Variants in EFCAB6 observed in about 807,000 individuals in gnomAD.
EFCAB6 encodes the protein EF-hand calcium binding domain 6, also known as EF-hand calcium-binding domain-containing protein 6.
EFCAB6 carries 156 observed loss-of-function variants against 169.8 expected under a neutral mutation model. The ratio of observed to expected loss-of-function variants is 0.92; its 90% CI spans 0.81 to 1.05. The LOEUF is 1.05. Ranked by LOEUF, EFCAB6 falls within the 50% of genes least tolerant of loss-of-function variation. The pLI is 0.00. For synonymous variants in EFCAB6, 698 were observed against 676.4 expected, an observed-to-expected ratio of 1.03 and a Z score of -0.50; for missense variants, 1,800 against 1,829.1, an observed-to-expected ratio of 0.98 and a Z score of 0.29.
At chr22:43,752,118 T>TTTC (rs1328063164) in intron 6 of EFCAB6, among the ~76,000 whole-genome samples, 1 of 145,884 alleles carries the variant, frequency 6.9e-6, no homozygotes, top group African/African-American at 2.5e-5. Context: ...TCCTTTCCAT[T>TTTC]TTTTTTTTTT....
At chr22:43,784,607 ATATG>A (rs2057116067) in intron 2 of EFCAB6, among the ~76,000 whole-genome samples, 2 of 94,012 alleles carry the variant, frequency 2.1e-5, no homozygotes, top group Non-Finnish European at 4.5e-5. Flanking sequence ...ATACACATAT[ATATG>A]TGTATATATA....
In EFCAB6 at chr22:43,765,357, C is replaced by T; in HGVS notation, c.388G>A (p.Ala130Thr). Reference sequence around the variant, plus strand: ...ATTCCACCAAACCTGGACAGAAAGGCAAGGTACGGTACAGTACCAGAGGTG... The same window carrying T: ...ATTCCACCAAACCTGGACAGAAAGGTAAGGTACGGTACAGTACCAGAGGTG... ...LSTSGTVPYL[A>T]FLSRFGGIDL... is the part of the protein sequence containing the mutation. The change falls in exon 5 of 32, where the codon GCC (alanine) becomes ACC (threonine). Residue 130 changes from alanine (A) to threonine (T), a missense_variant. Transcript: ENST00000262726. The T allele has an allele frequency of 6.2e-7, 1 of 1,612,650 alleles. No individual in the cohort carries two copies. The highest frequency in any genetic ancestry group is 8.5e-7 in the Non-Finnish European group (1 of 1,179,096).
At chr22:43,671,667 G>A (rs2057498943) in intron 15 of EFCAB6, among the ~76,000 whole-genome samples, 2 of 152,270 alleles carry the variant, frequency 1.3e-5, no homozygotes, top group African/African-American at 4.8e-5. Context: ...ACCCAGGAGG[G>A]AACTCAGGCC....
intron 17 of EFCAB6, among the ~76,000 whole-genome samples, chr22:43,664,236 A>G (rs1292483903): frequency 6.6e-6 from 1 of 152,202 alleles, no homozygotes; most frequent in Non-Finnish European, 1.5e-5. Context: ...AAATGTGCGA[A>G]TGCCCATGTC....
intron 10 of EFCAB6, among the ~76,000 whole-genome samples, chr22:43,699,721 A>G (rs1287036103): frequency 6.6e-6 from 1 of 152,218 alleles, no homozygotes; most frequent in Non-Finnish European, 1.5e-5. Flanking sequence ...AAAATGTCAT[A>G]TAAGTAGAAG....
intron 17 of EFCAB6, among the ~76,000 whole-genome samples, chr22:43,644,160 T>C (rs1197057810): frequency 2.0e-5 from 3 of 152,144 alleles, no homozygotes; most frequent in Non-Finnish European, 4.4e-5. Context: ...GATTTGGACC[T>C]GCTTTATGTA....
chr22:43,648,559 G>A (rs2056302623), intron 17 of EFCAB6, among the ~76,000 whole-genome samples: 1 of 152,150 alleles, frequency 6.6e-6, no homozygotes, highest in South Asian at 2.1e-4. Context: ...CTACTAGAGT[G>A]GGGAGGGAGA....
chr22:43,561,759 G>A (rs773068246), intron 26 of EFCAB6, among the ~76,000 whole-genome samples: 110 of 152,148 alleles, frequency 7.2e-4, no homozygotes, highest in Non-Finnish European at 1.4e-3. Flanking sequence ...CACTTCTCAC[G>A]TGATCATTAT....
At position 43,590,213 on chromosome 22, in the gene EFCAB6, G is replaced by C. The variant is rs746756725; in HGVS notation, c.2893C>G (p.Arg965Gly). The change falls in exon 24 of 32, where the codon CGC becomes GGC. Residue 965 changes from arginine (R) to glycine (G), a missense_variant. Coordinates refer to ENST00000262726, the MANE Select transcript of EFCAB6 (RefSeq NM_022785.4). ...AVAARDKLMD[R>G]HQDISKAFTK... ...AATGCTTTGCTGATATCTTGATGGC[G>C]GTCCATAAGCTTATCCCTGAAAGAG... is the stretch of plus-strand genomic sequence containing the variant. The C allele has an allele frequency of 6.2e-7, 1 of 1,613,380 alleles. No homozygotes were observed. The highest frequency in any genetic ancestry group is 8.5e-7 in the Non-Finnish European group (1 of 1,179,740).
chr22:43,589,661 A>ATG (rs879571694), intron 24 of EFCAB6, among the ~76,000 whole-genome samples: 46 of 152,160 alleles, frequency 3.0e-4, no homozygotes, highest in Non-Finnish European at 5.7e-4. Flanking sequence ...GGTGGTGTAC[A>ATG]CCTGTAATCC....
At chr22:43,650,649 T>A (rs1334492706) in intron 17 of EFCAB6, among the ~76,000 whole-genome samples, 3 of 152,158 alleles carry the variant, frequency 2.0e-5, no homozygotes, top group African/African-American at 7.2e-5. Context: ...TTTGGAGGGC[T>A]CATAAGAAGA....
Position 43,572,900 on chromosome 22 carries a change from T to C in EFCAB6, c.3420+3397A>G, listed in dbSNP as rs1229861651. On this transcript the variant is annotated intron_variant, in intron 26 of 31. Transcript: ENST00000262726. This position sits in a 1 kb window ranked among gnomAD's most constrained non-coding sequence, Gnocchi z 4.0. ...CATGGGCCATAGGAAACACGTGTCA[T>C]GAGAGAGTGAATGAACCCACACGAT... Among the ~76,000 whole-genome samples the C allele has an allele frequency of 6.6e-6, 1 of 152,120 alleles. No individual in the cohort carries two copies. The highest frequency in any genetic ancestry group is 1.5e-5 in the Non-Finnish European group (1 of 68,024).
intron 10 of EFCAB6, 81 bp downstream of exon 10, chr22:43,711,393 AT>A (rs1306852823): frequency 7.3e-7 from 1 of 1,367,876 alleles, no homozygotes; most frequent in Non-Finnish European, 9.6e-7. Flanking sequence ...TAAAACATTA[AT>A]AAAAAATAAA....
chr22:43,657,643 A>T (rs1014478471), intron 17 of EFCAB6, among the ~76,000 whole-genome samples: 1 of 152,196 alleles, frequency 6.6e-6, no homozygotes, highest in African/African-American at 2.4e-5. Flanking sequence ...ACACCAGAGA[A>T]ATAAAGGCTG....
intron 20 of EFCAB6, among the ~76,000 whole-genome samples, chr22:43,624,121 T>C (rs1602688170): frequency 6.6e-6 from 1 of 152,156 alleles, no homozygotes; most frequent in East Asian, 1.9e-4. Context: ...CTCCTTCATC[T>C]GTGAAACCAG....
chr22:43,666,686 A>G (rs2057263600), intron 17 of EFCAB6, among the ~76,000 whole-genome samples: 1 of 127,598 alleles, frequency 7.8e-6, no homozygotes, highest in Non-Finnish European at 1.6e-5. Context: ...TTTCACTGCC[A>G]GATTGTTTTT....
chr22:43,728,300 C>T (rs1470433463), intron 8 of EFCAB6, among the ~76,000 whole-genome samples: 1 of 152,156 alleles, frequency 6.6e-6, no homozygotes, highest in Non-Finnish European at 1.5e-5. Context: ...TTTTCTTTAT[C>T]CAGTCTATCA....
intron 28 of EFCAB6, among the ~76,000 whole-genome samples, chr22:43,538,063 T>C (rs2047484757): frequency 6.6e-6 from 1 of 152,130 alleles, no homozygotes; most frequent in Non-Finnish European, 1.5e-5. Context: ...TTTTTTTTCC[T>C]GAAGTCCCCG....
At chr22:43,562,467 A>C (rs950631857) in intron 26 of EFCAB6, among the ~76,000 whole-genome samples, 2 of 151,906 alleles carry the variant, frequency 1.3e-5, no homozygotes, top group Non-Finnish European at 2.9e-5. Flanking sequence ...TGACATAGGA[A>C]TCACCCAACA....
Sources: allele counts gnomAD v4.1 joint callset (sites outside exome capture counted in the v4.1 genomes callset), GRCh38; gene constraint gnomAD v4.1.1; non-coding constraint Gnocchi (gnomAD v3.1); transcripts MANE v1.5; gene names NCBI Gene and HGNC (gene_info 2026-07-23, HGNC 2026-07-21).